Variants in HOMER2 observed in about 807,000 individuals in gnomAD.
HOMER2 encodes the protein homer scaffold protein 2, also known as homer protein homolog 2.
HOMER2 carries 27 observed loss-of-function variants against 47.0 expected under a neutral mutation model. The observed-to-expected ratio is 0.57, with a 90% CI of 0.42 to 0.79. HOMER2 has a LOEUF of 0.79. HOMER2 is among the 30% of genes least tolerant of loss of function. The pLI, the probability that HOMER2 is intolerant of heterozygous loss-of-function variation, is 0.00. For missense variants in HOMER2, 443 were observed against 435.0 expected (o/e 1.02, Z -0.16); for synonymous variants, 161 against 163.8 (o/e 0.98, Z 0.13).
At chr15:82,952,849 G>A (rs1401168319), upstream of HOMER2, 1 of 322,628 alleles carries the variant, frequency 3.1e-6, no homozygotes, top group Non-Finnish European at 4.5e-6. Flanking sequence ...GAGGCGGGGG[G>A]CGCAGCACTG....
Position 82,952,693 on chromosome 15 carries a change from T to TACCACTGCC in HOMER2, c.-159_-158insGGCAGTGGT. 2 of 986,928 alleles carry TACCACTGCC rather than the reference T, an allele frequency of 2.0e-6. No individual in the cohort carries two copies. Among genetic ancestry groups the TACCACTGCC allele is most frequent in the Non-Finnish European group, 2.4e-6 (2 of 832,154 alleles). The allele number at this position is 986,928 out of a possible 1,614,324, so 61.1% of individuals were successfully genotyped here. A position where few individuals can be genotyped will look rare whatever the true frequency, so the allele number is the denominator to read the frequency against. ...CGCGGGGCTGCGCGGCTGCCACTGC[T>TACCACTGCC]GCCACTGCCGCCACCGCCGCCAGGC... On this transcript the variant is annotated 5_prime_UTR_variant, in exon 1 of 9. Transcript: ENST00000450735.
intron 1 of HOMER2, among the ~76,000 whole-genome samples, chr15:82,894,476 C>T (rs917778945): frequency 4.0e-5 from 6 of 151,840 alleles, no homozygotes; most frequent in African/African-American, 1.5e-4. Flanking sequence ...TCGAGACCAT[C>T]CTGGCTAACA....
chr15:82,962,100 G>A (rs2054634847), intron 1 of HOMER2, among the ~76,000 whole-genome samples: 1 of 151,734 alleles, frequency 6.6e-6, no homozygotes, highest in Non-Finnish European at 1.5e-5. Context: ...GCCGGGTGCG[G>A]TGACTCACAC....
At chr15:82,868,961 T>TA (rs529890368) in intron 3 of HOMER2, among the ~76,000 whole-genome samples, 48 of 152,306 alleles carry the variant, frequency 3.2e-4, no homozygotes, top group Non-Finnish European at 5.1e-4. Context: ...CATGACAGTT[T>TA]ACTCATTCCC....
rs928406358 is a variant in HOMER2, at chr15:82,927,973, C to CAAAAAAAAA, written c.5+24549_5+24557dup. Among the ~76,000 whole-genome samples, 334 of 57,258 alleles carry CAAAAAAAAA rather than the reference C, an allele frequency of 5.8e-3. 3 individuals carry two copies. The highest frequency in any genetic ancestry group is 0.016 in the African/African-American group (324 of 20,740). The allele number at this position is 57,258 out of a possible 152,430, so 37.6% of individuals were successfully genotyped here. Reference sequence around the variant, plus strand: ...GACAACAAGAGCAAAAACTCCGTCTCAAAAAAAAAAAAAAAAAAAAAAGTG... The same window carrying CAAAAAAAAA: ...GACAACAAGAGCAAAAACTCCGTCTCAAAAAAAAAAAAAAAAAAAAAAAAAAAAAAAGTG... On this transcript the variant is annotated intron_variant, in intron 1 of 8. Transcript: ENST00000450735.
chr15:82,866,829 G>T (rs548237938), intron 3 of HOMER2, among the ~76,000 whole-genome samples: 5 of 152,186 alleles, frequency 3.3e-5, no homozygotes, highest in African/African-American at 9.6e-5. Flanking sequence ...ACGTGGAACT[G>T]TAAGTCCAAT....
chr15:82,965,013 C>T (rs2054660998), intron 1 of HOMER2, among the ~76,000 whole-genome samples: 1 of 152,054 alleles, frequency 6.6e-6, no homozygotes, highest in Non-Finnish European at 1.5e-5. Flanking sequence ...TAAATGAACA[C>T]AATTTACTAT....
intron 1 of HOMER2, among the ~76,000 whole-genome samples, chr15:82,923,844 C>A (rs2053792418): frequency 1.3e-5 from 2 of 152,160 alleles, no homozygotes; most frequent in South Asian, 2.1e-4. Context: ...GTCGGTTGTA[C>A]AAGTGACCCT....
exon 2 of HOMER2, chr15:82,839,106 A>C (rs534313284): frequency 7.2e-5 from 11 of 151,838 alleles, no homozygotes; most frequent in African/African-American, 2.4e-4. Context: ...AGAAAAAAAA[A>C]ACCAAAATCT....
chr15:82,843,335 G>A (rs1431366145), exon 2 of HOMER2: 1 of 150,000 alleles, frequency 6.7e-6, no homozygotes, highest in Non-Finnish European at 1.5e-5. Context: ...AGCTACTCAG[G>A]AGGGAGGTTG....
chr15:82,946,205 C>T lies in HOMER2; in HGVS notation c.5+6326G>A, dbSNP rs980209959. 3.3e-5 allele frequency among the ~76,000 whole-genome samples: 5 copies of T among 152,208 alleles called. No individual in the cohort carries two copies. In the East Asian group the frequency reaches 9.6e-4, roughly 29 times the overall value. On this transcript the variant is annotated intron_variant, in intron 1 of 8. Transcript: ENST00000450735. ...AAACCATGTGCTCTGCTCAGCGTCC[C>T]GCTTCAGCAGAATTACTTGGCCCTG...
At chr15:82,902,991 C>A (rs1223254562) in intron 1 of HOMER2, among the ~76,000 whole-genome samples, 1 of 152,150 alleles carries the variant, frequency 6.6e-6, no homozygotes. Context: ...ATTTTATGAT[C>A]GGTTGATCTT....
chr15:82,879,404 G>T (rs2052454099), intron 2 of HOMER2, among the ~76,000 whole-genome samples: 1 of 152,210 alleles, frequency 6.6e-6, no homozygotes, highest in Non-Finnish European at 1.5e-5. Flanking sequence ...GCTGAGGCAG[G>T]AGGATTACCT....
intron 1 of HOMER2, among the ~76,000 whole-genome samples, chr15:82,915,849 A>G (rs1276139462): frequency 6.6e-6 from 1 of 152,222 alleles, no homozygotes; most frequent in Non-Finnish European, 1.5e-5. Context: ...ACCTGTAAAT[A>G]AACTAAATGC....
At chr15:82,900,816 CATTCT>C (rs2151122159) in intron 1 of HOMER2, among the ~76,000 whole-genome samples, 1 of 152,290 alleles carries the variant, frequency 6.6e-6, no homozygotes, top group Admixed American at 6.5e-5. Context: ...ACAGCTGCCC[CATTCT>C]ATTAAAGTTA....
chr15:82,868,206 G>T (rs1390965593), intron 3 of HOMER2, among the ~76,000 whole-genome samples: 1 of 151,750 alleles, frequency 6.6e-6, no homozygotes, highest in Non-Finnish European at 1.5e-5. Flanking sequence ...GTAAATTTAA[G>T]TTCCTTATAG....
intron 1 of HOMER2, among the ~76,000 whole-genome samples, chr15:82,936,923 T>C (rs930589319): frequency 6.6e-5 from 10 of 152,014 alleles, no homozygotes; most frequent in Non-Finnish European, 1.5e-4. Flanking sequence ...TTATAACAGA[T>C]TATAACTTCA....
chr15:82,839,843 C>T (rs1254679539), exon 2 of HOMER2: 1 of 152,126 alleles, frequency 6.6e-6, no homozygotes, highest in Non-Finnish European at 1.5e-5. Flanking sequence ...ATGCTTTCTT[C>T]TTCAGTTTCC....
At chr15:82,892,540 A>T in intron 2 of HOMER2, 145 bp downstream of exon 2, 1 of 579,362 alleles carries the variant, frequency 1.7e-6, no homozygotes, top group Non-Finnish European at 2.8e-6. Context: ...TTCCCCATTT[A>T]CCGTAAGTTT....
Sources: gnomAD v4.1 joint callset for allele counts (sites outside exome capture counted in the v4.1 genomes callset) on GRCh38, gnomAD v4.1.1 for gene constraint, MANE v1.5 for transcripts, NCBI Gene and HGNC (gene_info 2026-07-23, HGNC 2026-07-21) for gene names.